The following XYLT1 variants were observed in gnomAD, a reference collection of about 807,000 sequenced individuals.
XYLT1 encodes beta-D-xylosyltransferase 1.
XYLT1 carries 36 observed loss-of-function variants against 91.3 expected under a neutral mutation model. The observed-to-expected ratio is 0.39, with a 90% CI of 0.30 to 0.52. The LOEUF (loss-of-function observed/expected upper bound fraction) is 0.52. Among genes scored for constraint, XYLT1 ranks in the 20% least tolerant of loss-of-function variants. XYLT1 has a pLI of 0.68. For missense variants in XYLT1, 1,242 were observed against 1,284.5 expected, an observed-to-expected ratio of 0.97 and a Z score of 0.51; for synonymous variants, 588 against 532.0, an observed-to-expected ratio of 1.11 and a Z score of -1.45.
rs1457296765 is a variant in XYLT1 at position 17,103,715 on chromosome 16, C to G, written c.*4980G>C. On this transcript the variant is annotated 3_prime_UTR_variant, in exon 12 of 12. Transcript: ENST00000261381. Reference sequence around the variant, plus strand: ...GATGACAAGGTGCAGAACCCGCTTTCTGGTGGTATCTGTAGGCAGAGGCAG... The same window carrying G: ...GATGACAAGGTGCAGAACCCGCTTTGTGGTGGTATCTGTAGGCAGAGGCAG... 7 of 152,124 alleles carry G rather than the reference C, an allele frequency of 4.6e-5. No individual in the cohort carries two copies. Among genetic ancestry groups the G allele is most frequent in the Admixed American group, 4.6e-4 (7 of 15,252 alleles). 9.4% of individuals were successfully genotyped at this position (152,124 alleles called of 1,614,324 possible).
At chr16:17,146,128 A>C (rs2031126043) in intron 6 of XYLT1, among the ~76,000 whole-genome samples, 1 of 151,708 alleles carries the variant, frequency 6.6e-6, no homozygotes, top group Non-Finnish European at 1.5e-5. Flanking sequence ...CCACAAATCC[A>C]CTGACATTCA....
chr16:17,409,093 A>T (rs1465919657), intron 1 of XYLT1, among the ~76,000 whole-genome samples: 1 of 145,326 alleles, frequency 6.9e-6, no homozygotes, highest in Non-Finnish European at 1.5e-5. Flanking sequence ...GACCTTTTTC[A>T]GAGCCACCAC....
At chr16:17,341,618 C>T (rs1336451637) in intron 2 of XYLT1, among the ~76,000 whole-genome samples, 2 of 151,956 alleles carry the variant, frequency 1.3e-5, no homozygotes, top group African/African-American at 4.8e-5. Context: ...ATAACTTGTG[C>T]ACCGACATAA....
chr16:17,219,734 G>A (rs539288553), intron 3 of XYLT1, among the ~76,000 whole-genome samples: 3 of 152,132 alleles, frequency 2.0e-5, no homozygotes, highest in African/African-American at 7.2e-5. Context: ...CTCTGCCTCT[G>A]GGTTCAAGTG....
intron 5 of XYLT1, among the ~76,000 whole-genome samples, chr16:17,178,441 A>C (rs1307047799): frequency 6.6e-6 from 1 of 152,084 alleles, no homozygotes; most frequent in Non-Finnish European, 1.5e-5. Context: ...TTCAGATTCA[A>C]CCCCACCTGG....
intron 2 of XYLT1, among the ~76,000 whole-genome samples, chr16:17,333,980 G>T (rs1218092184): frequency 6.6e-6 from 1 of 152,154 alleles, no homozygotes; most frequent in Non-Finnish European, 1.5e-5. Context: ...CATGCATGGG[G>T]TTAGTCCCTT....
chr16:17,125,776 G>A (rs976790340), intron 10 of XYLT1, among the ~76,000 whole-genome samples: 1 of 152,066 alleles, frequency 6.6e-6, no homozygotes, highest in Non-Finnish European at 1.5e-5. Flanking sequence ...TCACTGGCTG[G>A]CTGTCTCATT....
chr16:17,461,267 T>C (rs1377806367), intron 1 of XYLT1, among the ~76,000 whole-genome samples: 1 of 152,212 alleles, frequency 6.6e-6, no homozygotes, highest in African/African-American at 2.4e-5. Context: ...ACTTACTCCT[T>C]GCCCTGACCT....
intron 3 of XYLT1, among the ~76,000 whole-genome samples, chr16:17,235,141 GT>G (rs1236304866): frequency 6.6e-6 from 1 of 151,920 alleles, no homozygotes; most frequent in Non-Finnish European, 1.5e-5. Context: ...TTCCAGTTCA[GT>G]TTGGGAATGG....
Position 17,232,795 on chromosome 16 carries a change from C to T in XYLT1, c.913+26193G>A, listed in dbSNP as rs558410029. Among the ~76,000 whole-genome samples, 91 of 151,786 alleles carry T rather than the reference C, an allele frequency of 6.0e-4. 1 individual carries two copies. The highest frequency in any genetic ancestry group is 2.0e-3 in the African/African-American group (84 of 41,358). ...GGTGATGATATGAGGTGGCGGCCTT[C>T]GTCATGGTGTTGGTGATAATGTTGG... On this transcript the variant is annotated intron_variant, in intron 3 of 11. Transcript: ENST00000261381.
chr16:17,161,900 C>T (rs757769890), intron 5 of XYLT1, among the ~76,000 whole-genome samples: 1 of 152,078 alleles, frequency 6.6e-6, no homozygotes, highest in African/African-American at 2.4e-5. Flanking sequence ...CCATGGGAGT[C>T]ACTGGGAAGT....
chr16:17,231,756 G>A lies in XYLT1; in HGVS notation c.913+27232C>T, dbSNP rs186670869. Among the ~76,000 whole-genome samples, 122 of 152,088 alleles carry A rather than the reference G, an allele frequency of 8.0e-4. 2 individuals are homozygous for A. The highest frequency in any genetic ancestry group is 4.1e-3 in the Admixed American group (62 of 15,260). ...CTAAGCATATCTAAACATAGAAAAG[G>A]TACAGTAACAATATGGTATAAAAGA... On this transcript the variant is annotated intron_variant, in intron 3 of 11. Coordinates refer to ENST00000261381, the MANE Select transcript of XYLT1 (RefSeq NM_022166.4).
intron 11 of XYLT1, 123 bp downstream of exon 11, chr16:17,117,523 G>T: frequency 1.0e-6 from 1 of 981,544 alleles, no homozygotes; most frequent in Non-Finnish European, 1.5e-6. Context: ...TGAGAGCAAG[G>T]AGTGCTGTTC....
rs566134163 is a variant in XYLT1 at position 17,385,269 on chromosome 16, TACACACACACACACACACACAC to T, written c.364-27241_364-27220del. Among the ~76,000 whole-genome samples, 11 of 120,012 alleles carry T rather than the reference TACACACACACACACACACACAC, an allele frequency of 9.2e-5. 1 individual carries two copies. The East Asian group carries it at 2.7e-3, about 30-fold the overall frequency. 78.7% of individuals were successfully genotyped at this position (120,012 alleles called of 152,430 possible). On this transcript the variant is annotated intron_variant, in intron 1 of 11. Coordinates refer to ENST00000261381, the MANE Select transcript of XYLT1 (RefSeq NM_022166.4). ...TCCCCATAACACACATAAACACACA[TACACACACACACACACACACAC>T]ACACACACACACACACACACCTATG...
intron 5 of XYLT1, among the ~76,000 whole-genome samples, chr16:17,169,252 C>A (rs531732720): frequency 3.3e-5 from 5 of 152,266 alleles, no homozygotes; most frequent in Admixed American, 6.5e-5. Flanking sequence ...GCTGGGGACA[C>A]CAGGGGGACA....
At chr16:17,416,427 A>G (rs769555107) in intron 1 of XYLT1, among the ~76,000 whole-genome samples, 15 of 152,200 alleles carry the variant, frequency 9.9e-5, no homozygotes, top group African/African-American at 2.7e-4. Context: ...CGAGCTCCCC[A>G]TGAAAGGCCA....
intron 2 of XYLT1, among the ~76,000 whole-genome samples, chr16:17,322,304 C>T (rs1422069063): frequency 6.6e-6 from 1 of 152,228 alleles, no homozygotes; most frequent in Non-Finnish European, 1.5e-5. Flanking sequence ...CTAAGCCTCA[C>T]AGTACCTACC....
At chr16:17,246,233 G>A (rs2033433778) in intron 3 of XYLT1, among the ~76,000 whole-genome samples, 2 of 152,186 alleles carry the variant, frequency 1.3e-5, no homozygotes, top group South Asian at 4.1e-4. Context: ...AGTTAATGTG[G>A]CTAAACCTTC....
chr16:17,452,681 C>T (rs139084784), intron 1 of XYLT1, among the ~76,000 whole-genome samples: 68 of 152,104 alleles, frequency 4.5e-4, no homozygotes, highest in Non-Finnish European at 7.5e-4. Context: ...AATTTCTATG[C>T]GATTGTCTTT....
Sources: allele counts gnomAD v4.1 joint callset (sites outside exome capture counted in the v4.1 genomes callset), GRCh38; gene constraint gnomAD v4.1.1; transcripts MANE v1.5; gene names NCBI Gene and HGNC (gene_info 2026-07-23, HGNC 2026-07-21).